The following NMNAT2 variants were observed in gnomAD, a reference collection of about 807,000 sequenced individuals.
NMNAT2 encodes the protein nicotinamide nucleotide adenylyltransferase 2.
Under a neutral mutation model 41.6 loss-of-function variants are expected in NMNAT2, and 11 were observed. The ratio of observed to expected loss-of-function variants is 0.26; its 90% confidence interval spans 0.17 to 0.44. NMNAT2 has a LOEUF of 0.44. Ranked by LOEUF, NMNAT2 falls within the 20% of genes least tolerant of loss-of-function variation. NMNAT2 has a pLI of 1.00. For missense variants in NMNAT2, 288 were observed against 407.7 expected (o/e 0.71, Z 2.53); for synonymous variants, 148 against 151.2 (o/e 0.98, Z 0.16).
intron 1 of NMNAT2, among the ~76,000 whole-genome samples, chr1:183,346,348 A>T (rs509168): frequency 6.6e-6 from 1 of 151,960 alleles, no homozygotes; most frequent in Non-Finnish European, 1.5e-5. Flanking sequence ...CCCAGCCATA[A>T]CCAACATGTT....
rs924101589 is a variant in NMNAT2 at position 183,384,876 on chromosome 1, A to G, written c.85+33307T>C. Among the ~76,000 whole-genome samples, 8 of 152,148 alleles carry G rather than the reference A, an allele frequency of 5.3e-5. 1 individual carries two copies. Among genetic ancestry groups the G allele is most frequent in the Admixed American group, 3.3e-4 (5 of 15,278 alleles). On this transcript the variant is annotated intron_variant, in intron 1 of 10. Transcript: ENST00000287713. Reference sequence around the variant, plus strand: ...GTGCTGGGCAGGATATTGTATATATACTATGACCAAGACCATTACCAAATA... The same window carrying G: ...GTGCTGGGCAGGATATTGTATATATGCTATGACCAAGACCATTACCAAATA...
intron 1 of NMNAT2, among the ~76,000 whole-genome samples, chr1:183,390,199 T>C (rs919632802): frequency 6.6e-6 from 1 of 152,084 alleles, no homozygotes; most frequent in African/African-American, 2.4e-5. Context: ...TGAACATCAA[T>C]GTTAAAACGG....
chr1:183,259,646 C>A lies in NMNAT2; in HGVS notation c.821+1356G>T, dbSNP rs1043250838. Among the ~76,000 whole-genome samples the A allele has an allele frequency of 1.3e-4, 20 of 152,124 alleles. 1 individual carries two copies. Among genetic ancestry groups the A allele is most frequent in the Admixed American group, 1.2e-3 (18 of 15,268 alleles). Reference sequence around the variant, plus strand: ...ATGGGGTCTCACTCTGTCACCCAGGCTGAAGTGCAGTGGCGCGATCTCGGC... The same window carrying A: ...ATGGGGTCTCACTCTGTCACCCAGGATGAAGTGCAGTGGCGCGATCTCGGC... On this transcript the variant is annotated intron_variant, in intron 10 of 10. Coordinates refer to ENST00000287713, the MANE Select transcript of NMNAT2 (RefSeq NM_015039.4).
chr1:183,389,816 GAAAGAAAGAAAGAAAGAAAGAAAGAAA>G lies in NMNAT2; in HGVS notation c.85+28340_85+28366del, dbSNP rs1648404859. On this transcript the variant is annotated intron_variant, in intron 1 of 10. Transcript: ENST00000287713. ...AGAAAGAAAGAAAGAAAGAAAGAAA[GAAAGAAAGAAAGAAAGAAAGAAAGAAA>G]GGAAAAAAGAGAAAGAAAGAAAGAA... 5.2e-5 allele frequency among the ~76,000 whole-genome samples: 3 copies of G among 57,614 alleles called. 1 individual carries two copies. In the East Asian group the frequency reaches 2.6e-3, roughly 50 times the overall value. 37.8% of individuals were successfully genotyped at this position (57,614 alleles called of 152,430 possible). A position where few individuals can be genotyped will look rare whatever the true frequency, so the allele number is the denominator to read the frequency against.
intron 1 of NMNAT2, among the ~76,000 whole-genome samples, chr1:183,372,602 C>A (rs1571624906): frequency 6.6e-6 from 1 of 152,238 alleles, no homozygotes; most frequent in Non-Finnish European, 1.5e-5. Flanking sequence ...TCAGAACCTA[C>A]TGCAAAATTG....
At chr1:183,324,771 T>A (rs187484041) in intron 1 of NMNAT2, among the ~76,000 whole-genome samples, 1 of 152,228 alleles carries the variant, frequency 6.6e-6, no homozygotes, top group Admixed American at 6.5e-5. Context: ...GCCATCCTCT[T>A]AGCACTTCAC....
chr1:183,395,280 A>C lies in NMNAT2; in HGVS notation c.85+22903T>G, dbSNP rs191930371. ...TTTTGCTTGTTGAGCAGGGCAGGCC[A>C]GCCTCTATCACCTTTTCTACCACTC... On this transcript the variant is annotated intron_variant, in intron 1 of 10. Coordinates refer to ENST00000287713, the MANE Select transcript of NMNAT2 (RefSeq NM_015039.4). 2.9e-3 allele frequency among the ~76,000 whole-genome samples: 434 copies of C among 152,012 alleles called. 1 individual carries two copies. The highest frequency in any genetic ancestry group is 1.0e-2 in the African/African-American group (413 of 41,478).
intron 1 of NMNAT2, among the ~76,000 whole-genome samples, chr1:183,330,193 C>G (rs574582025): frequency 6.6e-6 from 1 of 152,338 alleles, no homozygotes; most frequent in African/African-American, 2.4e-5. Context: ...GAGATAAAAA[C>G]AGTATCCATC....
At chr1:183,343,844 G>A (rs1438205669) in intron 1 of NMNAT2, among the ~76,000 whole-genome samples, 1 of 152,144 alleles carries the variant, frequency 6.6e-6, no homozygotes, top group Non-Finnish European at 1.5e-5. Flanking sequence ...CCTTGGCATT[G>A]AATAAAAGGC....
chr1:183,289,224 C>A (rs960977603), intron 4 of NMNAT2, among the ~76,000 whole-genome samples: 2 of 152,140 alleles, frequency 1.3e-5, no homozygotes, highest in Non-Finnish European at 2.9e-5. Flanking sequence ...TCTGGGGCTG[C>A]GGAGGGCTCT....
intron 1 of NMNAT2, among the ~76,000 whole-genome samples, chr1:183,402,898 C>G (rs1289963480): frequency 7.3e-5 from 6 of 82,448 alleles, no homozygotes; most frequent in East Asian, 9.6e-4. Flanking sequence ...ACAGATTGGA[C>G]TTTACCCCCA....
intron 1 of NMNAT2, among the ~76,000 whole-genome samples, chr1:183,353,656 T>C (rs1663116298): frequency 1.3e-5 from 2 of 152,076 alleles, no homozygotes; most frequent in South Asian, 4.1e-4. Context: ...ATATCTCCAA[T>C]CTCAGACATG....
chr1:183,308,637 C>A (rs1474295154), intron 1 of NMNAT2, among the ~76,000 whole-genome samples: 2 of 152,148 alleles, frequency 1.3e-5, no homozygotes. Context: ...TTTATCTAAT[C>A]TGACATGGGA....
intron 1 of NMNAT2, among the ~76,000 whole-genome samples, chr1:183,340,803 T>A (rs1470260580): frequency 6.6e-6 from 1 of 152,216 alleles, no homozygotes; most frequent in Admixed American, 6.5e-5. Context: ...AATTACAGCA[T>A]CCCCAGGTGC....
chr1:183,263,411 T>C (rs572004522), intron 8 of NMNAT2, among the ~76,000 whole-genome samples: 1 of 152,338 alleles, frequency 6.6e-6, no homozygotes, highest in South Asian at 2.1e-4. Context: ...GCATTTAGGA[T>C]ACTGCACTAG....
chr1:183,408,643 G>T (rs1054123668), intron 1 of NMNAT2, among the ~76,000 whole-genome samples: 3 of 152,138 alleles, frequency 2.0e-5, no homozygotes, highest in African/African-American at 7.2e-5. Context: ...AAAATGGAGT[G>T]ATAGGAAAAA....
rs1033204002 is a variant in NMNAT2, at chr1:183,408,414, AT to A, written c.85+9768del. ...TCACAAAATATTATTGTTATTTTAC[AT>A]TTTTTTTCAACCATTTAAAAATGTA... On this transcript the variant is annotated intron_variant, in intron 1 of 10. Coordinates refer to ENST00000287713, the MANE Select transcript of NMNAT2 (RefSeq NM_015039.4). Among the ~76,000 whole-genome samples, 7 of 152,068 alleles carry A rather than the reference AT, an allele frequency of 4.6e-5. 1 individual carries two copies. Among genetic ancestry groups the A allele is most frequent in the South Asian group, 4.2e-4 (2 of 4,816 alleles).
Position 183,261,087 on chromosome 1 carries a change from A to T in NMNAT2, c.754-18T>A, listed in dbSNP as rs1437926081. On this transcript the variant is annotated intron_variant, in intron 9 of 10. Transcript: ENST00000287713. ...ATGTTGTTCTGAGGACAGAGCAGAC[A>T]GAGTCAGTTGCCAGTCCCTCCCACT... 6.2e-7 allele frequency: 1 copy of T among 1,612,428 alleles called. No homozygotes were observed. The highest frequency in any genetic ancestry group is 8.5e-7 in the Non-Finnish European group (1 of 1,178,406).
intron 1 of NMNAT2, among the ~76,000 whole-genome samples, chr1:183,407,226 C>A (rs1414463478): frequency 6.6e-6 from 1 of 152,204 alleles, no homozygotes; most frequent in Non-Finnish European, 1.5e-5. Context: ...TTTTTCACTC[C>A]TGCCAAGTTA....
Sources: gnomAD v4.1 joint callset for allele counts (sites outside exome capture counted in the v4.1 genomes callset) on GRCh38, gnomAD v4.1.1 for gene constraint, MANE v1.5 for transcripts, NCBI Gene and HGNC (gene_info 2026-07-23, HGNC 2026-07-21) for gene names.